The following GOSR2 variants were observed in gnomAD, a reference collection of about 807,000 sequenced individuals.
GOSR2 encodes the protein golgi SNAP receptor complex member 2.
A neutral mutation model predicts 27.9 loss-of-function variants in GOSR2; 20 were observed. The observed-to-expected ratio is 0.72, with a 90% CI of 0.50 to 1.04. The LOEUF is 1.04. Ranked by LOEUF, GOSR2 falls within the 50% of genes least tolerant of loss-of-function variation. The pLI is 0.00. For missense variants in GOSR2, 261 were observed against 270.5 expected, an observed-to-expected ratio of 0.97 and a Z score of 0.25; for synonymous variants, 91 against 98.8, an observed-to-expected ratio of 0.92 and a Z score of 0.47.
Position 46,932,140 on chromosome 17 carries a change from G to A in GOSR2, c.277G>A (p.Ala93Thr). ...CAGAAACTTCCAGCATCGGCGCCAT[G>A]CAAGGGAGCAGCAGGAGAGACAGCG... Reference protein sequence around the residue: ...ALRNFQHRRHAREQQERQREE... With the variant: ...ALRNFQHRRHTREQQERQREE... The change falls in exon 4 of 6, where the codon GCA becomes ACA. Residue 93 changes from alanine to threonine, a missense_variant. Coordinates refer to ENST00000640051, the MANE Select transcript of GOSR2 (RefSeq NM_004287.5). 6.2e-7 allele frequency: 1 copy of A among 1,614,142 alleles called. No homozygotes were observed. The highest frequency in any genetic ancestry group is 8.5e-7 in the Non-Finnish European group (1 of 1,179,994).
At chr17:46,952,541 A>G (rs2090438754) in intron 6 of GOSR2, 1 of 152,182 alleles carries the variant, frequency 6.6e-6, no homozygotes. Flanking sequence ...TCAATAAGAT[A>G]TGGGCAGAAG....
intron 1 of GOSR2, chr17:46,923,541 G>T (rs2086017546): frequency 2.3e-6 from 3 of 1,327,062 alleles, no homozygotes; most frequent in Non-Finnish European, 2.9e-6. Flanking sequence ...TTGTCAACTC[G>T]GTGCTCCTGG....
downstream of GOSR2, among the ~76,000 whole-genome samples, chr17:46,971,765 G>A (rs1031989249): frequency 2.0e-5 from 3 of 152,196 alleles, no homozygotes; most frequent in African/African-American, 4.8e-5. Flanking sequence ...TGTCTCTCAC[G>A]CCTCAAGCTC....
In GOSR2 at chr17:46,941,581, A is replaced by AT. The variant is rs1330541629; in HGVS notation, c.*2827dup. On this transcript the variant is annotated 3_prime_UTR_variant, in exon 6 of 6. Coordinates refer to ENST00000640051, the MANE Select transcript of GOSR2 (RefSeq NM_004287.5). ...TAAATCTCTAAGGTGATTTTATTTT[A>AT]TTTTTTATTTTTGAGACAGTCTCGC... is the stretch of plus-strand genomic sequence containing the variant. 1 of 258,688 alleles carries AT rather than the reference A, an allele frequency of 3.9e-6. No individual in the cohort carries two copies. The highest frequency in any genetic ancestry group is 6.0e-6 in the Non-Finnish European group (1 of 165,998). The allele number at this position is 258,688 out of a possible 1,614,324, so 16.0% of individuals were successfully genotyped here.
chr17:46,960,618 C>G (rs770942229), intron 6 of GOSR2, among the ~76,000 whole-genome samples: 1 of 152,074 alleles, frequency 6.6e-6, no homozygotes, highest in Non-Finnish European at 1.5e-5. Context: ...CAACTGAAGA[C>G]AGATAAAAAT....
intron 1 of GOSR2, among the ~76,000 whole-genome samples, chr17:46,928,416 C>A (rs930026887): frequency 6.6e-6 from 1 of 152,156 alleles, no homozygotes; most frequent in Non-Finnish European, 1.5e-5. Flanking sequence ...GTCCAGCAGG[C>A]CCCCTTCATG....
intron 6 of GOSR2, among the ~76,000 whole-genome samples, chr17:46,959,708 A>AT (rs1345728480): frequency 2.0e-5 from 3 of 152,040 alleles, no homozygotes; most frequent in African/African-American, 2.4e-5. Context: ...TTTCTTGAGC[A>AT]TTTTTTTCCT....
chr17:46,952,936 G>A (rs2090463845), intron 6 of GOSR2: 1 of 152,042 alleles, frequency 6.6e-6, no homozygotes, highest in African/African-American at 2.4e-5. Flanking sequence ...CTCCTCCCAA[G>A]ATACCCCACA....
At chr17:46,965,526 C>A (rs2091275204) in intron 6 of GOSR2, among the ~76,000 whole-genome samples, 1 of 152,218 alleles carries the variant, frequency 6.6e-6, no homozygotes, top group Non-Finnish European at 1.5e-5. Flanking sequence ...TGGGCTTCCC[C>A]CTCAACGTGA....
intron 6 of GOSR2, among the ~76,000 whole-genome samples, chr17:46,972,828 G>A (rs1406396814): frequency 6.6e-6 from 1 of 152,056 alleles, no homozygotes; most frequent in Non-Finnish European, 1.5e-5. Flanking sequence ...CATCTCGAGG[G>A]CAGAGCCTGA....
chr17:46,974,029 C>A (rs907250057), intron 6 of GOSR2, among the ~76,000 whole-genome samples: 1 of 152,206 alleles, frequency 6.6e-6, no homozygotes, highest in African/African-American at 2.4e-5. Context: ...TTGGCTTAGA[C>A]AAGTAAGTAA....
chr17:46,923,521 T>A, intron 1 of GOSR2: 1 of 1,356,918 alleles, frequency 7.4e-7, no homozygotes, highest in Admixed American at 3.4e-5. Flanking sequence ...TATAAAACTT[T>A]GTCCAGCACT....
At chr17:46,964,227 G>A (rs1310025859) in intron 6 of GOSR2, 1 of 152,226 alleles carries the variant, frequency 6.6e-6, no homozygotes, top group Non-Finnish European at 1.5e-5. Flanking sequence ...AGTCCACAGA[G>A]GAGGTGTGGC....
At chr17:46,951,739 C>T (rs2090365771) in intron 6 of GOSR2, among the ~76,000 whole-genome samples, 1 of 152,138 alleles carries the variant, frequency 6.6e-6, no homozygotes. Context: ...GAAAAGGAAA[C>T]CTCTAATTTT....
At position 46,932,195 on chromosome 17, in the gene GOSR2, C is replaced by T. The variant is rs749505686; in HGVS notation, c.332C>T (p.Thr111Ile). The T allele has an allele frequency of 1.2e-6, 2 of 1,613,944 alleles. No individual in the cohort carries two copies. The highest frequency in any genetic ancestry group is 2.2e-5 in the East Asian group (1 of 44,894). The change falls in exon 4 of 6, where the codon ACT (threonine) becomes ATT (isoleucine). Residue 111 changes from threonine to isoleucine, a missense_variant. Physicochemically the swap from Thr to Ile is moderately conservative, Grantham distance 89. Transcript: ENST00000640051. ...GAGCTTCTGTCTCGAACCTTCACCACTAACGTAAGCCAGGCCCGTGGTGAG... is the reference window on the plus strand; with the variant it reads ...GAGCTTCTGTCTCGAACCTTCACCATTAACGTAAGCCAGGCCCGTGGTGAG... ...REELLSRTFT[T>I]NDSDTTIPMD...
At chr17:46,931,505 G>T in intron 3 of GOSR2, 1 of 455,744 alleles carries the variant, frequency 2.2e-6, no homozygotes, top group South Asian at 2.6e-5. Context: ...GAAGCCTAAT[G>T]TTGCCATGGA....
intron 6 of GOSR2, among the ~76,000 whole-genome samples, chr17:46,955,955 A>G (rs1040537560): frequency 6.6e-6 from 1 of 152,106 alleles, no homozygotes; most frequent in African/African-American, 2.4e-5. Context: ...TCCTTATCCC[A>G]TTGGGATCCA....
At chr17:46,966,276 A>G (rs536397794) in intron 6 of GOSR2, among the ~76,000 whole-genome samples, 23 of 152,324 alleles carry the variant, frequency 1.5e-4, no homozygotes, top group Non-Finnish European at 1.3e-4. Flanking sequence ...TGTACTAGCT[A>G]TGTACCTTCT....
At chr17:46,955,494 C>T (rs1456840733) in intron 6 of GOSR2, 4 of 152,118 alleles carry the variant, frequency 2.6e-5, no homozygotes, top group Admixed American at 6.5e-5. Context: ...TGTTGTGTCT[C>T]TGCCAGAGCC....
Sources: allele counts gnomAD v4.1 joint callset (sites outside exome capture counted in the v4.1 genomes callset), GRCh38; gene constraint gnomAD v4.1.1; transcripts MANE v1.5; gene names NCBI Gene and HGNC (gene_info 2026-07-23, HGNC 2026-07-21).